The following SLC44A1 variants were observed in gnomAD, a reference collection of about 807,000 sequenced individuals.
SLC44A1 encodes the protein choline transporter-like protein 1.
Under a neutral mutation model 79.3 loss-of-function variants are expected in SLC44A1, and 26 were observed. That is an observed-to-expected ratio of 0.33 (90% CI 0.24 to 0.46). The LOEUF is 0.46. Ranked by LOEUF, SLC44A1 falls within the 20% of genes least tolerant of loss-of-function variation. SLC44A1 has a pLI of 1.00. For synonymous variants in SLC44A1, 263 were observed against 286.2 expected (o/e 0.92, Z 0.82); for missense variants, 688 against 798.1 (o/e 0.86, Z 1.66).
chr9:105,423,040 G>T (rs1171481524), intron 15 of SLC44A1, among the ~76,000 whole-genome samples: 1 of 152,236 alleles, frequency 6.6e-6, no homozygotes, highest in East Asian at 1.9e-4. Context: ...AACTGGGACG[G>T]AAGGAAAGAG....
At chr9:105,404,844 G>A (rs1050670173) in intron 15 of SLC44A1, among the ~76,000 whole-genome samples, 1 of 152,166 alleles carries the variant, frequency 6.6e-6, no homozygotes, top group African/African-American at 2.4e-5. Context: ...TGAGGCTCAG[G>A]ATCTTCCTTT....
At chr9:105,271,709 G>T (rs1021454301) in intron 1 of SLC44A1, among the ~76,000 whole-genome samples, 26 of 152,240 alleles carry the variant, frequency 1.7e-4, no homozygotes, top group African/African-American at 6.3e-4. Context: ...CACCTCCCAG[G>T]TTCAAGTGAT....
chr9:105,372,072 T>A (rs779379469), intron 12 of SLC44A1, among the ~76,000 whole-genome samples: 1 of 152,178 alleles, frequency 6.6e-6, no homozygotes, highest in East Asian at 1.9e-4. Flanking sequence ...CTATCTTTTA[T>A]CTGATAAGAA....
intron 4 of SLC44A1, among the ~76,000 whole-genome samples, chr9:105,347,074 G>C (rs1588810836): frequency 6.6e-6 from 1 of 151,984 alleles, no homozygotes; most frequent in Admixed American, 6.6e-5. Context: ...AGATATAAAT[G>C]AAATAAATTT....
Position 105,393,919 on chromosome 9 carries a change from G to A in SLC44A1, c.*4863G>A, listed in dbSNP as rs980821001. ...AGATCTAGTTGAACATGGAAACATT[G>A]TAATTTACAAATGTCTCAGAAATTT... On this transcript the variant is annotated 3_prime_UTR_variant, in exon 16 of 16. Coordinates refer to ENST00000374720, the MANE Select transcript of SLC44A1 (RefSeq NM_080546.5). The A allele has an allele frequency of 4.1e-6, 4 of 984,428 alleles. No homozygotes were observed. The African/African-American group carries it at 7.0e-5, about 17-fold the overall frequency. The allele number at this position is 984,428 out of a possible 1,614,324, so 61.0% of individuals were successfully genotyped here. A position where few individuals can be genotyped will look rare whatever the true frequency, so the allele number is the denominator to read the frequency against.
intron 9 of SLC44A1, among the ~76,000 whole-genome samples, chr9:105,363,754 C>T (rs1293468140): frequency 2.6e-5 from 4 of 152,212 alleles, no homozygotes; most frequent in Non-Finnish European, 5.9e-5. Flanking sequence ...CGTGAGCCAG[C>T]GTGCCCAGCC....
At chr9:105,350,478 T>C (rs1410956014) in intron 5 of SLC44A1, among the ~76,000 whole-genome samples, 1 of 152,112 alleles carries the variant, frequency 6.6e-6, no homozygotes, top group Admixed American at 6.5e-5. Flanking sequence ...ACTATGTTTT[T>C]GGTGACTTTT....
chr9:105,273,343 A>G lies in SLC44A1; in HGVS notation c.37-25877A>G, dbSNP rs1830121105. Among the ~76,000 whole-genome samples, 4 of 152,166 alleles carry G rather than the reference A, an allele frequency of 2.6e-5. No homozygotes were observed. In the South Asian group the frequency reaches 8.3e-4, roughly 32 times the overall value. On this transcript the variant is annotated intron_variant, in intron 1 of 15. Transcript: ENST00000374720. Reference sequence around the variant, plus strand: ...ATTAGAGTATGAGTGACCAAAATCTATTTCTAAAACATAGAGTTATTGGTG... The same window carrying G: ...ATTAGAGTATGAGTGACCAAAATCTGTTTCTAAAACATAGAGTTATTGGTG...
chr9:105,268,769 A>T (rs1387335121), intron 1 of SLC44A1, among the ~76,000 whole-genome samples: 2 of 152,180 alleles, frequency 1.3e-5, no homozygotes, highest in Non-Finnish European at 2.9e-5. Context: ...AAGTGCTGGG[A>T]TTACAGGCGG....
intron 1 of SLC44A1, among the ~76,000 whole-genome samples, chr9:105,247,548 C>T (rs1386888206): frequency 6.6e-6 from 1 of 152,156 alleles, no homozygotes; most frequent in Non-Finnish European, 1.5e-5. Context: ...CTACCCACCT[C>T]GGCCTCCCAA....
At chr9:105,351,608 A>AG (rs1827431389) in intron 5 of SLC44A1, among the ~76,000 whole-genome samples, 1 of 95,994 alleles carries the variant, frequency 1.0e-5, no homozygotes, top group Non-Finnish European at 2.2e-5. Context: ...GAAAGAAAGA[A>AG]AGAAAGAAAG....
At chr9:105,343,004 A>G (rs1490232524) in intron 4 of SLC44A1, among the ~76,000 whole-genome samples, 1 of 151,312 alleles carries the variant, frequency 6.6e-6, no homozygotes, top group African/African-American at 2.4e-5. Context: ...ATATATAAAT[A>G]AATAGAAATG....
At chr9:105,293,410 A>G (rs113851189) in intron 1 of SLC44A1, among the ~76,000 whole-genome samples, 5 of 152,298 alleles carry the variant, frequency 3.3e-5, no homozygotes, top group African/African-American at 7.2e-5. Context: ...TTGCCTTTAG[A>G]TATTACCCAG....
At chr9:105,343,240 A>G (rs1241802650) in intron 4 of SLC44A1, among the ~76,000 whole-genome samples, 1 of 148,962 alleles carries the variant, frequency 6.7e-6, no homozygotes, top group Non-Finnish European at 1.5e-5. Context: ...TGCTTCTTCA[A>G]TGTACTATAT....
chr9:105,349,907 G>A (rs1169966495), intron 5 of SLC44A1, among the ~76,000 whole-genome samples: 1 of 152,136 alleles, frequency 6.6e-6, no homozygotes, highest in Non-Finnish European at 1.5e-5. Context: ...CCCCGCCTCT[G>A]ACCTCTGATG....
In SLC44A1 at chr9:105,392,386, GCTCTCTCT is replaced by G. The variant is rs200002341; in HGVS notation, c.*3341_*3348del. The stretch of plus-strand genomic sequence containing the variant: ...AGAAATGTTTTTCTTTTGTAGAGAT[GCTCTCTCT>G]CTCTCTCTCTTTTTTTTTTTTTTTT... On this transcript the variant is annotated 3_prime_UTR_variant, in exon 16 of 16. Transcript: ENST00000374720. 2 of 860,134 alleles carry G rather than the reference GCTCTCTCT, an allele frequency of 2.3e-6. No individual in the cohort carries two copies. The highest frequency in any genetic ancestry group is 2.7e-6 in the Non-Finnish European group (2 of 734,446). 53.3% of individuals were successfully genotyped at this position (860,134 alleles called of 1,614,324 possible).
At chr9:105,278,356 C>T (rs146153786) in intron 1 of SLC44A1, among the ~76,000 whole-genome samples, 14,206 of 152,164 alleles carry the variant, frequency 0.093, 972 homozygotes, top group African/African-American at 0.18. Flanking sequence ...TCACACCATT[C>T]TCCTGCCTCA....
At chr9:105,397,960 AAAAG>A (rs1447833947), downstream of SLC44A1, among the ~76,000 whole-genome samples, 3 of 151,874 alleles carry the variant, frequency 2.0e-5, no homozygotes, top group East Asian at 1.9e-4. Context: ...AAAAAAAAAA[AAAAG>A]AAAAAAAGAA....
chr9:105,302,726 T>C (rs2131294964), intron 2 of SLC44A1, among the ~76,000 whole-genome samples: 1 of 151,288 alleles, frequency 6.6e-6, no homozygotes. Context: ...GATTCTCATA[T>C]AATCTCTGCA....
Sources: gnomAD v4.1 joint callset for allele counts (sites outside exome capture counted in the v4.1 genomes callset) on GRCh38, gnomAD v4.1.1 for gene constraint, MANE v1.5 for transcripts, NCBI Gene and HGNC (gene_info 2026-07-23, HGNC 2026-07-21) for gene names.